The following ATP5F1D variants were observed in gnomAD, a reference collection of about 807,000 sequenced individuals.
The protein encoded by ATP5F1D is ATP synthase F(1) complex subunit delta, mitochondrial.
In ATP5F1D, 16 loss-of-function variants were observed where a neutral mutation model predicts 13.0. That is an observed-to-expected ratio of 1.23 (90% CI 0.83 to 1.87). The LOEUF (loss-of-function observed/expected upper bound fraction) is 1.87, where lower values mean the gene tolerates loss of function less well. Ranked by LOEUF, ATP5F1D falls within the 40% of genes most tolerant of loss-of-function variation. The probability of loss-of-function intolerance (pLI) is 0.00; values close to 1 mark genes in which losing one functional copy is unlikely to be tolerated. For synonymous variants in ATP5F1D, 129 were observed against 116.2 expected (o/e 1.11, Z -0.71); for missense variants, 294 against 246.2 (o/e 1.19, Z -1.30).
In ATP5F1D at chr19:1,241,872, CG is replaced by C; in HGVS notation, c.23del (p.Arg8ProfsTer56). ...TGCCATGCTGCCCGCCGCGCTGCTC[CG>C]CCGCCCGGGACTTGGCCGCCTCGTC... MLPAALL[R>X]RPGLGRLVRH... On this transcript the variant is annotated frameshift_variant, in exon 1 of 4. Coordinates refer to ENST00000215375, the MANE Select transcript of ATP5F1D (RefSeq NM_001687.5). LOFTEE classifies it high-confidence loss of function. 1.4e-6 allele frequency: 2 copies of C among 1,399,492 alleles called. No individual in the cohort carries two copies. Among genetic ancestry groups the C allele is most frequent in the Non-Finnish European group, 1.9e-6 (2 of 1,078,720 alleles). The allele number at this position is 1,399,492 out of a possible 1,614,324, so 86.7% of individuals were successfully genotyped here.
Position 1,242,620 on chromosome 19 carries a change from T to G in ATP5F1D, c.295+11T>G. ...CCTCCAAATACTTTGGTGAGTCCGG[T>G]GGAGGGCTGCAGGGCCAGGCCAGGC... On this transcript the variant is annotated intron_variant, in intron 2 of 3. Coordinates refer to ENST00000215375, the MANE Select transcript of ATP5F1D (RefSeq NM_001687.5). The G allele has an allele frequency of 6.7e-7, 1 of 1,500,310 alleles. No individual in the cohort carries two copies. Among genetic ancestry groups the G allele is most frequent in the South Asian group, 1.3e-5 (1 of 79,280 alleles). 92.9% of individuals were successfully genotyped at this position (1,500,310 alleles called of 1,614,324 possible).
chr19:1,242,645 C>T (rs2081043583), intron 2 of ATP5F1D, 36 bp downstream of exon 2: 3 of 1,458,206 alleles, frequency 2.1e-6, no homozygotes, highest in Non-Finnish European at 2.7e-6. Flanking sequence ...CCAGGCCAGG[C>T]TGGGGCTCCA....
rs2081054190 is a variant in ATP5F1D, at chr19:1,244,577, G to A, written c.*140G>A. On this transcript the variant is annotated 3_prime_UTR_variant, in exon 4 of 4. Transcript: ENST00000215375. ...CCACCAGAGGGCAGTGCAGGCTTCT[G>A]CCTGGGCCCCAGGCCCTGCCTGTGT... 7.5e-7 allele frequency: 1 copy of A among 1,332,020 alleles called. No homozygotes were observed. The highest frequency in any genetic ancestry group is 1.5e-5 in the African/African-American group (1 of 67,194). 82.5% of individuals were successfully genotyped at this position (1,332,020 alleles called of 1,614,324 possible).
In ATP5F1D at chr19:1,241,845, G is replaced by A. The variant is rs942418650; in HGVS notation, c.-6G>A. 3.1e-5 allele frequency: 41 copies of A among 1,343,992 alleles called. No individual in the cohort carries two copies. The highest frequency in any genetic ancestry group is 3.8e-5 in the Non-Finnish European group (40 of 1,050,872). The allele number at this position is 1,343,992 out of a possible 1,614,324, so 83.3% of individuals were successfully genotyped here. ...AGCTACCCGCTTCCTGCCGCCCGCC[G>A]CTGCCATGCTGCCCGCCGCGCTGCT... is the stretch of plus-strand genomic sequence containing the variant. On this transcript the variant is annotated 5_prime_UTR_variant, in exon 1 of 4. Coordinates refer to ENST00000215375, the MANE Select transcript of ATP5F1D (RefSeq NM_001687.5).
rs144381807 is a variant in ATP5F1D, at chr19:1,244,362, A to G, written c.432A>G (p.Thr144=). 5.8e-4 allele frequency: 924 copies of G among 1,587,104 alleles called. 17 individuals are homozygous for G. The Admixed American group carries it at 0.016, about 27-fold the overall frequency. ...AGGCCCAGGCGGAGCTGGTGGGGACAGCTGACGAGGCCACGCGGGCAGAGA... is the reference window on the plus strand; with the variant it reads ...AGGCCCAGGCGGAGCTGGTGGGGACGGCTGACGAGGCCACGCGGGCAGAGA... ...LEKAQAELVG[T]ADEATRAEIQ... The change falls in exon 4 of 4, where the codon ACA becomes ACG. Residue 144 remains threonine (T), a synonymous_variant. Coordinates refer to ENST00000215375, the MANE Select transcript of ATP5F1D (RefSeq NM_001687.5).
In ATP5F1D at chr19:1,241,849, C is replaced by T; in HGVS notation, c.-2C>T. ...ACCCGCTTCCTGCCGCCCGCCGCTG[C>T]CATGCTGCCCGCCGCGCTGCTCCGC... On this transcript the variant is annotated 5_prime_UTR_variant, in exon 1 of 4. Coordinates refer to ENST00000215375, the MANE Select transcript of ATP5F1D (RefSeq NM_001687.5). 3 of 1,357,756 alleles carry T rather than the reference C, an allele frequency of 2.2e-6. No homozygotes were observed. The highest frequency in any genetic ancestry group is 3.4e-5 in the Admixed American group (1 of 29,562). 84.1% of individuals were successfully genotyped at this position (1,357,756 alleles called of 1,614,324 possible).
chr19:1,244,438 G>A lies in ATP5F1D; in HGVS notation c.*1G>A, dbSNP rs2081053269. 1.3e-6 allele frequency: 2 copies of A among 1,553,878 alleles called. No individual in the cohort carries two copies. Among genetic ancestry groups the A allele is most frequent in the Non-Finnish European group, 1.7e-6 (2 of 1,148,796 alleles). On this transcript the variant is annotated 3_prime_UTR_variant, in exon 4 of 4. Transcript: ENST00000215375. ...GGCCCTGGTGAAGGCCCTGGAGTAG[G>A]CGGTGCGTACCCGGTGTCCCGAGGC...
chr19:1,241,809 C>T lies in ATP5F1D; in HGVS notation c.-42C>T, dbSNP rs1430571024. 27 of 1,297,296 alleles carry T rather than the reference C, an allele frequency of 2.1e-5. No individual in the cohort carries two copies. The highest frequency in any genetic ancestry group is 4.7e-5 in the African/African-American group (3 of 64,056). 80.4% of individuals were successfully genotyped at this position (1,297,296 alleles called of 1,614,324 possible). ...AGGCCGCCCGCGCCGCGCCGGAGTC[C>T]GCTGTCCGCCAGCTACCCGCTTCCT... On this transcript the variant is annotated 5_prime_UTR_variant, in exon 1 of 4. Transcript: ENST00000215375.
At position 1,242,446 on chromosome 19, in the gene ATP5F1D, T is replaced by A; in HGVS notation, c.142-10T>A. 6.6e-7 allele frequency: 1 copy of A among 1,510,348 alleles called. No individual in the cohort carries two copies. Among genetic ancestry groups the A allele is most frequent in the Non-Finnish European group, 8.9e-7 (1 of 1,122,488 alleles). 93.6% of individuals were successfully genotyped at this position (1,510,348 alleles called of 1,614,324 possible). ...TGCCCCGCCATCATTCCCCACGCTG[T>A]TGTCTGCAGGTGTTCTTCAACGGTG... On this transcript the variant is annotated splice_polypyrimidine_tract_variant and intron_variant, in intron 1 of 3. Coordinates refer to ENST00000215375, the MANE Select transcript of ATP5F1D (RefSeq NM_001687.5).
chr19:1,242,908 C>T (rs992790339), intron 2 of ATP5F1D: 11 of 204,794 alleles, frequency 5.4e-5, no homozygotes, highest in Non-Finnish European at 8.9e-5. Context: ...GGGGGGATCA[C>T]GAGGTCAGGA....
rs76660329 is a variant in ATP5F1D, at chr19:1,244,201, G to T, written c.384+16G>T. ...GGACCTGGGGGTGAGTGTCAGAGGG[G>T]ACCTGAGGCTCAGCAGGTTGGAGCT... On this transcript the variant is annotated intron_variant, in intron 3 of 3. Coordinates refer to ENST00000215375, the MANE Select transcript of ATP5F1D (RefSeq NM_001687.5). 5.0e-6 allele frequency: 8 copies of T among 1,607,098 alleles called. No individual in the cohort carries two copies. Among genetic ancestry groups the T allele is most frequent in the Non-Finnish European group, 6.8e-6 (8 of 1,176,554 alleles).
rs1472933221 is a variant in ATP5F1D, at chr19:1,242,590, C to T, written c.276C>T (p.Gly92=). ...PGLVVVHAED[G]TTSKYFVSSG... is the part of the protein sequence containing the mutation. ...TGGTCGTGGTGCATGCAGAGGACGGCACCACCTCCAAATACTTTGGTGAGT... is the reference window on the plus strand; with the variant it reads ...TGGTCGTGGTGCATGCAGAGGACGGTACCACCTCCAAATACTTTGGTGAGT... Residue 92 remains glycine, a synonymous_variant, in exon 2 of 4, where the codon GGC becomes GGT. Coordinates refer to ENST00000215375, the MANE Select transcript of ATP5F1D (RefSeq NM_001687.5). 6.5e-7 allele frequency: 1 copy of T among 1,532,384 alleles called. No individual in the cohort carries two copies. Among genetic ancestry groups the T allele is most frequent in the Admixed American group, 2.0e-5 (1 of 49,750 alleles). The allele number at this position is 1,532,384 out of a possible 1,614,324, so 94.9% of individuals were successfully genotyped here.
chr19:1,241,914 T>C lies in ATP5F1D; in HGVS notation c.64T>C (p.Tyr22His). ...LGRLVRHARAYAEAAAAPAAA... is the reference protein window; with the variant it reads ...LGRLVRHARAHAEAAAAPAAA... ...CCGCCTCGTCCGCCACGCCCGTGCC[T>C]ATGCCGAGGCCGCCGCCGCCCCGGC... The change falls in exon 1 of 4, where the codon TAT becomes CAT. Residue 22 changes from tyrosine (Y) to histidine (H), a missense_variant. Tyr to His is a moderately conservative substitution (Grantham distance 83). Coordinates refer to ENST00000215375, the MANE Select transcript of ATP5F1D (RefSeq NM_001687.5). 6.7e-7 allele frequency: 1 copy of C among 1,493,420 alleles called. No homozygotes were observed. The highest frequency in any genetic ancestry group is 2.7e-5 in the East Asian group (1 of 36,486). 92.5% of individuals were successfully genotyped at this position (1,493,420 alleles called of 1,614,324 possible).
rs1018058318 is a variant in ATP5F1D at position 1,241,840 on chromosome 19, C to T, written c.-11C>T. 9.2e-5 allele frequency: 123 copies of T among 1,332,926 alleles called. No individual in the cohort carries two copies. The highest frequency in any genetic ancestry group is 1.1e-4 in the Non-Finnish European group (118 of 1,046,036). 82.6% of individuals were successfully genotyped at this position (1,332,926 alleles called of 1,614,324 possible). The stretch of plus-strand genomic sequence containing the variant: ...CCGCCAGCTACCCGCTTCCTGCCGC[C>T]CGCCGCTGCCATGCTGCCCGCCGCG... On this transcript the variant is annotated 5_prime_UTR_variant, in exon 1 of 4. Transcript: ENST00000215375.
intron 1 of ATP5F1D, chr19:1,242,209 T>G: frequency 1.3e-6 from 1 of 757,346 alleles, no homozygotes; most frequent in Non-Finnish European, 1.8e-6. Flanking sequence ...CTGGGTGCCC[T>G]CCCCGATCTC....
At chr19:1,242,333 G>C (rs2081041552) in intron 1 of ATP5F1D, 123 bp from the exon 2 acceptor site, 1 of 1,219,150 alleles carries the variant, frequency 8.2e-7, no homozygotes, top group South Asian at 2.0e-5. Context: ...GCGCTGGGTT[G>C]TCTCAGTGCC....
rs747887574 is a variant in ATP5F1D at position 1,244,185 on chromosome 19, GGTGA to G, written c.384+4_384+7del. The G allele has an allele frequency of 6.2e-7, 1 of 1,610,706 alleles. No homozygotes were observed. Among genetic ancestry groups the G allele is most frequent in the African/African-American group, 1.3e-5 (1 of 74,864 alleles). On this transcript the variant is annotated splice_donor_variant and splice_donor_region_variant and intron_variant, in intron 3 of 3. Coordinates refer to ENST00000215375, the MANE Select transcript of ATP5F1D (RefSeq NM_001687.5). LOFTEE classifies it high-confidence loss of function. ...TGACGCTGGACATGTTGGACCTGGGGGTGAGTGTCAGAGGGGACCTGAGGCTCAG... is the reference window on the plus strand; with the variant it reads ...TGACGCTGGACATGTTGGACCTGGGGGTGTCAGAGGGGACCTGAGGCTCAG...
Position 1,242,480 on chromosome 19 carries a change from C to T in ATP5F1D, c.166C>T (p.Arg56Trp). ...GGTGTTCTTCAACGGTGCCAACGTC[C>T]GGCAGGTGGACGTGCCCACGCTGAC... Reference protein sequence around the residue: ...TQVFFNGANVRQVDVPTLTGA... With the variant: ...TQVFFNGANVWQVDVPTLTGA... Residue 56 changes from arginine (R) to tryptophan (W), a missense_variant, in exon 2 of 4, where the codon CGG becomes TGG. Physicochemically the swap from Arg to Trp is moderately radical, Grantham distance 101 (BLOSUM62 -3). Coordinates refer to ENST00000215375, the MANE Select transcript of ATP5F1D (RefSeq NM_001687.5). 1 of 1,536,426 alleles carries T rather than the reference C, an allele frequency of 6.5e-7. No homozygotes were observed. Among genetic ancestry groups the T allele is most frequent in the Non-Finnish European group, 8.8e-7 (1 of 1,136,840 alleles).
Position 1,244,420 on chromosome 19 carries a change from G to A in ATP5F1D, c.490G>A (p.Val164Met). The A allele has an allele frequency of 6.4e-7, 1 of 1,559,996 alleles. No individual in the cohort carries two copies. The highest frequency in any genetic ancestry group is 1.4e-5 in the African/African-American group (1 of 73,886). ...QIRIEANEAL[V>M]KALE ...CCGAATCGAGGCCAACGAGGCCCTGGTGAAGGCCCTGGAGTAGGCGGTGCG... is the reference window on the plus strand; with the variant it reads ...CCGAATCGAGGCCAACGAGGCCCTGATGAAGGCCCTGGAGTAGGCGGTGCG... Residue 164 changes from valine (V) to methionine (M), a missense_variant, in exon 4 of 4, where the codon GTG becomes ATG. Coordinates refer to ENST00000215375, the MANE Select transcript of ATP5F1D (RefSeq NM_001687.5).
Sources: allele counts gnomAD v4.1 joint callset, GRCh38; gene constraint gnomAD v4.1.1; transcripts MANE v1.5; gene names NCBI Gene and HGNC (gene_info 2026-07-23, HGNC 2026-07-21).